Variants in SYNPR observed in about 807,000 individuals in gnomAD.
The protein encoded by SYNPR is synaptoporin.
Under a neutral mutation model 32.9 loss-of-function variants are expected in SYNPR, and 23 were observed. The ratio of observed to expected loss-of-function variants is 0.70; its 90% confidence interval spans 0.50 to 0.99. The LOEUF (loss-of-function observed/expected upper bound fraction) is 0.99, where lower values mean the gene tolerates loss of function less well. Among genes scored for constraint, SYNPR ranks in the 50% least tolerant of loss-of-function variants. The pLI is 0.00. For synonymous variants in SYNPR, 146 were observed against 135.9 expected (o/e 1.07, Z -0.52); for missense variants, 318 against 349.3 (o/e 0.91, Z 0.71).
At chr3:63,468,703 A>C (rs925604456) in intron 2 of SYNPR, among the ~76,000 whole-genome samples, 1 of 152,166 alleles carries the variant, frequency 6.6e-6, no homozygotes, top group Admixed American at 6.5e-5. Context: ...TGGGAGGCTG[A>C]GGCGTGAGGA....
chr3:63,415,012 T>C (rs2088521224), intron 2 of SYNPR, among the ~76,000 whole-genome samples: 1 of 152,254 alleles, frequency 6.6e-6, no homozygotes, highest in Non-Finnish European at 1.5e-5. Context: ...AAGGATTTTA[T>C]GATCCAGTTG....
chr3:63,244,787 T>C (rs1415462631), intron 1 of SYNPR, among the ~76,000 whole-genome samples: 1 of 152,210 alleles, frequency 6.6e-6, no homozygotes, highest in Admixed American at 6.6e-5. Flanking sequence ...AATAGTGGAA[T>C]GTAAAAATAG....
chr3:63,322,669 C>T (rs76417908), intron 2 of SYNPR, among the ~76,000 whole-genome samples: 2 of 152,174 alleles, frequency 1.3e-5, no homozygotes, highest in East Asian at 3.9e-4. Context: ...AACTAAAGCA[C>T]AAAGACACAA....
intron 3 of SYNPR, among the ~76,000 whole-genome samples, chr3:63,551,353 T>C (rs1267950578): frequency 6.6e-6 from 1 of 152,236 alleles, no homozygotes; most frequent in Admixed American, 6.5e-5. Context: ...TGTTTGGCTA[T>C]TATGAATAAT....
At chr3:63,311,920 C>A (rs930492630) in intron 2 of SYNPR, among the ~76,000 whole-genome samples, 1 of 151,906 alleles carries the variant, frequency 6.6e-6, no homozygotes, top group African/African-American at 2.4e-5. Flanking sequence ...ACATACCCAT[C>A]CTTGTAGTTA....
At chr3:63,416,928 CA>C (rs1356665134) in intron 2 of SYNPR, among the ~76,000 whole-genome samples, 1 of 152,148 alleles carries the variant, frequency 6.6e-6, no homozygotes, top group East Asian at 1.9e-4. Flanking sequence ...GGGACACAGC[CA>C]AACCATCTAA....
At chr3:63,474,915 T>A (rs529316385) in intron 2 of SYNPR, among the ~76,000 whole-genome samples, 45 of 152,228 alleles carry the variant, frequency 3.0e-4, no homozygotes, top group Middle Eastern at 3.4e-3. Context: ...TCAGCCTGAT[T>A]TTCTGTCCTC....
chr3:63,491,846 A>G (rs114702656), intron 3 of SYNPR, among the ~76,000 whole-genome samples: 2,568 of 152,274 alleles, frequency 0.017, 70 homozygotes, highest in African/African-American at 0.059. Flanking sequence ...TAAATGCTAC[A>G]TAAGTACTTA....
At chr3:63,394,443 G>A (rs951975111) in intron 2 of SYNPR, among the ~76,000 whole-genome samples, 2 of 152,104 alleles carry the variant, frequency 1.3e-5, no homozygotes, top group African/African-American at 2.4e-5. Flanking sequence ...GGGCTGTCCT[G>A]GTTTGGTCCC....
intron 3 of SYNPR, among the ~76,000 whole-genome samples, chr3:63,489,407 C>A (rs988290536): frequency 6.6e-6 from 1 of 152,126 alleles, no homozygotes; most frequent in African/African-American, 2.4e-5. Context: ...TGAATGCTGA[C>A]ATTAGAAAGC....
At position 63,342,011 on chromosome 3, in the gene SYNPR, T is replaced by G. The variant is rs919356049; in HGVS notation, c.84+63269T>G. On this transcript the variant is annotated intron_variant, in intron 2 of 5. Coordinates refer to ENST00000478300, the MANE Select transcript of SYNPR (RefSeq NM_001130003.2). ...ATTTTGCATTTTACGTTTAGATGTATGATCCATTTTAATTTTTGTGGAAGT... is the reference window on the plus strand; with the variant it reads ...ATTTTGCATTTTACGTTTAGATGTAGGATCCATTTTAATTTTTGTGGAAGT... 3.3e-5 allele frequency among the ~76,000 whole-genome samples: 5 copies of G among 152,220 alleles called. No homozygotes were observed. The East Asian group carries it at 9.6e-4, about 29-fold the overall frequency.
intron 2 of SYNPR, among the ~76,000 whole-genome samples, chr3:63,465,284 T>C (rs573466176): frequency 6.6e-6 from 1 of 152,194 alleles, no homozygotes; most frequent in East Asian, 1.9e-4. Flanking sequence ...AAAAGATTAT[T>C]AACAAAGAAA....
At chr3:63,461,661 G>A (rs939344663) in intron 2 of SYNPR, among the ~76,000 whole-genome samples, 6 of 151,788 alleles carry the variant, frequency 4.0e-5, no homozygotes, top group African/African-American at 1.2e-4. Flanking sequence ...TTCAATGTAT[G>A]GATGCAGTTC....
At chr3:63,496,175 A>G (rs970509126) in intron 3 of SYNPR, among the ~76,000 whole-genome samples, 3 of 152,068 alleles carry the variant, frequency 2.0e-5, no homozygotes, top group African/African-American at 7.2e-5. Context: ...AGAATATTAA[A>G]ATCCTTCTTA....
At chr3:63,349,251 C>T (rs1025385195) in intron 2 of SYNPR, among the ~76,000 whole-genome samples, 12 of 152,140 alleles carry the variant, frequency 7.9e-5, no homozygotes, top group African/African-American at 1.2e-4. Context: ...TACAGGCACG[C>T]GCCACCACGC....
At chr3:63,206,739 C>G in the SYNPR span, among the ~76,000 whole-genome samples, 1 of 152,146 alleles carries the variant, frequency 6.6e-6, no homozygotes, top group African/African-American at 2.4e-5. Flanking sequence ...ACTTAGCATT[C>G]CTTGCCTCTC....
At chr3:63,360,215 G>A (rs1025455538) in intron 2 of SYNPR, among the ~76,000 whole-genome samples, 1 of 152,162 alleles carries the variant, frequency 6.6e-6, no homozygotes, top group Non-Finnish European at 1.5e-5. Flanking sequence ...CAAAATCTCG[G>A]AGACATCTTC....
intron 1 of SYNPR, among the ~76,000 whole-genome samples, chr3:63,233,887 G>A (rs1258950367): frequency 1.3e-5 from 2 of 152,170 alleles, no homozygotes; most frequent in Non-Finnish European, 2.9e-5. Flanking sequence ...CTGACCCAAA[G>A]TCCCTTCCTT....
intron 3 of SYNPR, among the ~76,000 whole-genome samples, chr3:63,518,517 T>C (rs958596294): frequency 7.9e-5 from 12 of 152,058 alleles, no homozygotes; most frequent in African/African-American, 2.9e-4. Flanking sequence ...TAGAGTAATT[T>C]CTCCCTTCAA....
Sources: gnomAD v4.1 joint callset for allele counts (sites outside exome capture counted in the v4.1 genomes callset) on GRCh38, gnomAD v4.1.1 for gene constraint, MANE v1.5 for transcripts, NCBI Gene and HGNC (gene_info 2026-07-23, HGNC 2026-07-21) for gene names.